RBFOX1: variants seen among roughly 807,000 people sequenced by gnomAD.
RBFOX1 encodes RNA binding protein fox-1 homolog 1.
A neutral mutation model predicts 57.7 loss-of-function variants in RBFOX1; 8 were observed. The observed-to-expected ratio is 0.14, with a 90% CI of 0.08 to 0.25. The LOEUF (loss-of-function observed/expected upper bound fraction) is 0.25. RBFOX1 is among the 10% of genes least tolerant of loss of function. The probability of loss-of-function intolerance (pLI) is 1.00; values close to 1 mark genes in which losing one functional copy is unlikely to be tolerated. For synonymous variants in RBFOX1, 326 were observed against 222.4 expected, an observed-to-expected ratio of 1.47 and a Z score of -4.15; for missense variants, 611 against 548.5, an observed-to-expected ratio of 1.11 and a Z score of -1.14.
chr16:6,876,619 C>A (rs1246568330), intron 3 of RBFOX1, among the ~76,000 whole-genome samples: 1 of 151,932 alleles, frequency 6.6e-6, no homozygotes, highest in African/African-American at 2.4e-5. Context: ...GAGTAAAAGA[C>A]TTGTATCTAT....
At chr16:5,247,964 C>T (rs546697827) in intron 1 of RBFOX1, among the ~76,000 whole-genome samples, 9 of 152,290 alleles carry the variant, frequency 5.9e-5, no homozygotes, top group Middle Eastern at 6.8e-3. Flanking sequence ...TGGCTGGGCA[C>T]TGGGCTAGGG....
chr16:6,290,726 A>G (rs2077386275), intron 1 of RBFOX1, among the ~76,000 whole-genome samples: 1 of 152,192 alleles, frequency 6.6e-6, no homozygotes, highest in African/African-American at 2.4e-5. Context: ...ACTATTCTGT[A>G]AAATGCACAG....
At chr16:7,379,195 G>T (rs1046598987) in intron 4 of RBFOX1, among the ~76,000 whole-genome samples, 3 of 152,020 alleles carry the variant, frequency 2.0e-5, no homozygotes, top group African/African-American at 4.8e-5. Flanking sequence ...GGAGTGTTTG[G>T]AAGAGAAAAA....
At chr16:5,267,613 G>C (rs573306649) in intron 1 of RBFOX1, among the ~76,000 whole-genome samples, 2 of 152,222 alleles carry the variant, frequency 1.3e-5, no homozygotes, top group Non-Finnish European at 2.9e-5. Context: ...CATAAGGTTT[G>C]AGTTGAGATA....
intron 4 of RBFOX1, among the ~76,000 whole-genome samples, chr16:7,125,317 T>G (rs34472397): frequency 0.07 from 10,706 of 152,148 alleles, 570 homozygotes; most frequent in East Asian, 0.22. Flanking sequence ...ATCCACATAG[T>G]GGCAAGGGTA....
chr16:6,510,964 G>T (rs1031811729), intron 2 of RBFOX1, among the ~76,000 whole-genome samples: 1 of 152,138 alleles, frequency 6.6e-6, no homozygotes, highest in Non-Finnish European at 1.5e-5. Context: ...GGTGTGTGCT[G>T]CTTCTGTCTC....
chr16:7,379,656 T>C (rs74010701), intron 4 of RBFOX1, among the ~76,000 whole-genome samples: 2,057 of 152,282 alleles, frequency 0.014, 54 homozygotes, highest in African/African-American at 0.047. Context: ...AGGAGGGTTT[T>C]AGACAGGGTA....
At chr16:7,539,510 C>T (rs765202624) in intron 5 of RBFOX1, among the ~76,000 whole-genome samples, 2 of 152,172 alleles carry the variant, frequency 1.3e-5, no homozygotes, top group Non-Finnish European at 2.9e-5. Flanking sequence ...ACATATTGTC[C>T]ATGATCTGAA....
intron 4 of RBFOX1, among the ~76,000 whole-genome samples, chr16:5,899,290 A>G (rs1411329488): frequency 6.6e-6 from 1 of 152,054 alleles, no homozygotes; most frequent in Non-Finnish European, 1.5e-5. Flanking sequence ...AAAGGATCAT[A>G]CAAACAGACA....
At chr16:7,098,512 C>T (rs2062079027) in intron 4 of RBFOX1, among the ~76,000 whole-genome samples, 1 of 152,144 alleles carries the variant, frequency 6.6e-6, no homozygotes, top group Non-Finnish European at 1.5e-5. Context: ...AAAATTAAGC[C>T]AAAGATAGCA....
At chr16:6,103,164 G>C (rs1379058200) in intron 1 of RBFOX1, among the ~76,000 whole-genome samples, 1 of 152,182 alleles carries the variant, frequency 6.6e-6, no homozygotes, top group Non-Finnish European at 1.5e-5. Context: ...AGTGGGATAA[G>C]CCAGTTCCAT....
intron 4 of RBFOX1, among the ~76,000 whole-genome samples, chr16:7,053,010 G>C (rs1382385278): frequency 6.6e-6 from 1 of 152,166 alleles, no homozygotes; most frequent in Non-Finnish European, 1.5e-5. Flanking sequence ...GGAAACTCCT[G>C]TGCCCAAAGG....
At chr16:6,601,096 T>C (rs1009425469) in intron 2 of RBFOX1, among the ~76,000 whole-genome samples, 1 of 152,230 alleles carries the variant, frequency 6.6e-6, no homozygotes, top group Non-Finnish European at 1.5e-5. Flanking sequence ...TAGCAACAGC[T>C]TAGGGATTTA....
intron 2 of RBFOX1, among the ~76,000 whole-genome samples, chr16:6,595,914 C>G (rs986270705): frequency 3.3e-5 from 5 of 151,764 alleles, no homozygotes; most frequent in African/African-American, 7.3e-5. Flanking sequence ...GGCTATTTGT[C>G]TTTTTATTAA....
chr16:7,551,056 C>G (rs1168014870), intron 5 of RBFOX1, among the ~76,000 whole-genome samples: 1 of 138,746 alleles, frequency 7.2e-6, no homozygotes, highest in Non-Finnish European at 1.5e-5. Context: ...ATTGTGCCAT[C>G]ACACTCCAGC....
At chr16:6,783,836 G>A (rs1342042390) in intron 3 of RBFOX1, among the ~76,000 whole-genome samples, 2 of 152,052 alleles carry the variant, frequency 1.3e-5, no homozygotes, top group East Asian at 3.9e-4. Context: ...ATCTAGTGTT[G>A]ATGAATTACC....
chr16:6,239,226 C>G (rs2097526768), intron 1 of RBFOX1, among the ~76,000 whole-genome samples: 1 of 152,080 alleles, frequency 6.6e-6, no homozygotes, highest in African/African-American at 2.4e-5. Context: ...TGATGGTCAT[C>G]TTGTGCTTTG....
chr16:6,975,712 G>A (rs1023952816), intron 3 of RBFOX1, among the ~76,000 whole-genome samples: 2 of 152,168 alleles, frequency 1.3e-5, no homozygotes, highest in Non-Finnish European at 2.9e-5. Context: ...TTTATGATTA[G>A]CACTGCTCAT....
intron 3 of RBFOX1, among the ~76,000 whole-genome samples, chr16:6,813,564 G>T (rs930702309): frequency 6.6e-6 from 1 of 152,200 alleles, no homozygotes; most frequent in Admixed American, 6.5e-5. Flanking sequence ...ATCTCACTAA[G>T]TGTCTCTTTC....
Sources: gnomAD v4.1 joint callset for allele counts (sites outside exome capture counted in the v4.1 genomes callset) on GRCh38, gnomAD v4.1.1 for gene constraint, MANE v1.5 for transcripts, NCBI Gene and HGNC (gene_info 2026-07-23, HGNC 2026-07-21) for gene names.